The following GLG1 variants were observed in gnomAD, a reference collection of about 807,000 sequenced individuals.
GLG1 encodes the protein Golgi apparatus protein 1.
Under a neutral mutation model 160.5 loss-of-function variants are expected in GLG1, and 38 were observed. The observed-to-expected ratio is 0.24, with a 90% CI of 0.18 to 0.31. The LOEUF is 0.31. Among genes scored for constraint, GLG1 ranks in the 10% least tolerant of loss-of-function variants. GLG1 has a pLI of 1.00. For missense variants in GLG1, 1,373 were observed against 1,505.2 expected, an observed-to-expected ratio of 0.91 and a Z score of 1.45; for synonymous variants, 644 against 543.4, an observed-to-expected ratio of 1.19 and a Z score of -2.57.
chr16:74,510,993 G>A (rs1364145487), intron 2 of GLG1, among the ~76,000 whole-genome samples: 1 of 152,090 alleles, frequency 6.6e-6, no homozygotes, highest in Non-Finnish European at 1.5e-5. Context: ...GACTTTTTTA[G>A]GCAGATGACA....
At chr16:74,582,954 C>A (rs546019952) in intron 1 of GLG1, among the ~76,000 whole-genome samples, 73 of 152,274 alleles carry the variant, frequency 4.8e-4, no homozygotes, top group South Asian at 8.3e-4. Context: ...TTTAGCTGTG[C>A]TACTCTAGTT....
intron 1 of GLG1, among the ~76,000 whole-genome samples, chr16:74,605,143 G>A (rs1958536176): frequency 6.6e-6 from 1 of 152,112 alleles, no homozygotes; most frequent in African/African-American, 2.4e-5. Flanking sequence ...TGTAAAAACT[G>A]GAGGAAAAAA....
At chr16:74,497,293 A>C (rs1022426563) in intron 4 of GLG1, among the ~76,000 whole-genome samples, 1 of 15,022 alleles carries the variant, frequency 6.7e-5, no homozygotes, top group African/African-American at 1.2e-4. Flanking sequence ...CTGTAAAAAA[A>C]ACACACACAC....
intron 1 of GLG1, among the ~76,000 whole-genome samples, chr16:74,566,564 C>T (rs777277512): frequency 6.6e-6 from 1 of 152,176 alleles, no homozygotes; most frequent in Non-Finnish European, 1.5e-5. Context: ...TCTGTCATGA[C>T]TTTAATCCAG....
At chr16:74,569,348 T>G (rs745410775) in intron 1 of GLG1, among the ~76,000 whole-genome samples, 2 of 152,220 alleles carry the variant, frequency 1.3e-5, no homozygotes, top group Non-Finnish European at 2.9e-5. Flanking sequence ...AAAGAAACTT[T>G]AATAGACATT....
At chr16:74,594,311 T>A (rs1028142165) in intron 1 of GLG1, among the ~76,000 whole-genome samples, 6 of 152,218 alleles carry the variant, frequency 3.9e-5, no homozygotes, top group African/African-American at 1.4e-4. Flanking sequence ...TTTAATATGA[T>A]TCACCCTATC....
intron 1 of GLG1, among the ~76,000 whole-genome samples, chr16:74,534,463 A>C (rs1181010749): frequency 2.0e-5 from 3 of 152,262 alleles, no homozygotes; most frequent in African/African-American, 7.2e-5. Context: ...CATTTCTACT[A>C]AACAACAAAT....
chr16:74,529,613 A>G (rs1218998399), intron 2 of GLG1, among the ~76,000 whole-genome samples: 4 of 151,994 alleles, frequency 2.6e-5, no homozygotes, highest in African/African-American at 9.7e-5. Context: ...GCTTCTTCTC[A>G]TATCCAGCCA....
At chr16:74,523,029 T>C (rs1040008742) in intron 2 of GLG1, among the ~76,000 whole-genome samples, 3 of 152,158 alleles carry the variant, frequency 2.0e-5, no homozygotes, top group Admixed American at 6.5e-5. Context: ...AATTTATCAG[T>C]CTTTTTGCTT....
chr16:74,595,528 C>A (rs1597383078), intron 1 of GLG1, among the ~76,000 whole-genome samples: 2 of 152,202 alleles, frequency 1.3e-5, no homozygotes, highest in African/African-American at 4.8e-5. Context: ...CAGAGCAAGA[C>A]TCCGTCTCAA....
chr16:74,505,824 C>G (rs192292506), intron 3 of GLG1, among the ~76,000 whole-genome samples: 1 of 152,184 alleles, frequency 6.6e-6, no homozygotes, highest in East Asian at 1.9e-4. Context: ...CATTGCATTC[C>G]ACCCTGGGCA....
At position 74,453,238 on chromosome 16, in the gene GLG1, T is replaced by A; in HGVS notation, c.3469A>T (p.Ile1157Leu). ...CACATCAGGCCAATCAGGAACAATA[T>A]ACAGATGCTCCCACTGATCACAGAG... is the stretch of plus-strand genomic sequence containing the variant. ...ILSVISGSIC[I>L]LFLIGLMCGR... The change falls in exon 26 of 26, where the codon ATA becomes TTA. Residue 1157 changes from isoleucine (I) to leucine (L), a missense_variant. Ile to Leu is a conservative substitution (Grantham distance 5). This residue lies in a region of GLG1 where 491 missense variants were observed against 632.1 expected (regional missense o/e 0.78). Coordinates refer to ENST00000422840, the MANE Select transcript of GLG1 (RefSeq NM_001145667.2). The A allele has an allele frequency of 1.2e-6, 2 of 1,613,608 alleles. No homozygotes were observed. Among genetic ancestry groups the A allele is most frequent in the Non-Finnish European group, 1.7e-6 (2 of 1,179,532 alleles).
At chr16:74,554,581 T>C (rs2018301807) in intron 1 of GLG1, among the ~76,000 whole-genome samples, 1 of 152,174 alleles carries the variant, frequency 6.6e-6, no homozygotes, top group Non-Finnish European at 1.5e-5. Flanking sequence ...TTTCTCAATA[T>C]ATTCTGGCTA....
Position 74,450,699 on chromosome 16 carries a change from A to G in GLG1, c.*2468T>C, listed in dbSNP as rs1290766571. ...CCCCATCTCTACTAAAAATACAAAAATAAGCCAGGCGTGGTGGCGGGTGCC... is the reference window on the plus strand; with the variant it reads ...CCCCATCTCTACTAAAAATACAAAAGTAAGCCAGGCGTGGTGGCGGGTGCC... On this transcript the variant is annotated 3_prime_UTR_variant, in exon 26 of 26. Coordinates refer to ENST00000422840, the MANE Select transcript of GLG1 (RefSeq NM_001145667.2). 1 of 152,042 alleles carries G rather than the reference A, an allele frequency of 6.6e-6. No homozygotes were observed. The highest frequency in any genetic ancestry group is 1.5e-5 in the Non-Finnish European group (1 of 68,024). The allele number at this position is 152,042 out of a possible 1,614,324, so 9.4% of individuals were successfully genotyped here.
At chr16:74,529,841 G>C (rs2017475656) in intron 2 of GLG1, among the ~76,000 whole-genome samples, 1 of 124,898 alleles carries the variant, frequency 8.0e-6, no homozygotes. Context: ...TTTTGTGACG[G>C]AGTCTCACTC....
At chr16:74,464,881 C>T (rs1300073453) in intron 19 of GLG1, among the ~76,000 whole-genome samples, 2 of 151,956 alleles carry the variant, frequency 1.3e-5, no homozygotes, top group East Asian at 1.9e-4. Context: ...CTTACTCTGT[C>T]GCTCAGGCTG....
In GLG1 at chr16:74,459,726, G is replaced by C; in HGVS notation, c.3100C>G (p.Leu1034Val). The change falls in exon 23 of 26, where the codon CTC (leucine) becomes GTC (valine). Residue 1034 changes from leucine to valine, a missense_variant. Physicochemically the swap from Leu to Val is conservative, Grantham distance 32. Around this residue, in one of 4 missense-constraint regions of GLG1, gnomAD observed 491 missense variants for 632.1 expected, o/e 0.78. Coordinates refer to ENST00000422840, the MANE Select transcript of GLG1 (RefSeq NM_001145667.2). ...TTGATCTTGAGCAGGTTGACCTTGA[G>C]GCACTCCTCCACCTGACCTGTCTGC... ...QEQTGQVEEC[L>V]KVNLLKIKTE... 3.1e-6 allele frequency: 5 copies of C among 1,608,932 alleles called. No homozygotes were observed. The highest frequency in any genetic ancestry group is 4.3e-6 in the Non-Finnish European group (5 of 1,175,818).
chr16:74,538,546 T>C (rs1237900313), intron 1 of GLG1, among the ~76,000 whole-genome samples: 1 of 152,204 alleles, frequency 6.6e-6, no homozygotes, highest in Non-Finnish European at 1.5e-5. Flanking sequence ...TTTTTCTTAT[T>C]TGTACCCAGG....
intron 1 of GLG1, among the ~76,000 whole-genome samples, chr16:74,566,280 A>G (rs1488218749): frequency 6.6e-6 from 1 of 152,234 alleles, no homozygotes; most frequent in Non-Finnish European, 1.5e-5. Context: ...CACCTCCTGG[A>G]CAGGGAAAGT....
Sources: allele counts gnomAD v4.1 joint callset (sites outside exome capture counted in the v4.1 genomes callset), GRCh38; gene constraint gnomAD v4.1.1; regional missense constraint gnomAD v4.1.1; transcripts MANE v1.5; gene names NCBI Gene and HGNC (gene_info 2026-07-23, HGNC 2026-07-21).